Variants in FSIP1 observed in about 807,000 individuals in gnomAD.
FSIP1 encodes fibrous sheath-interacting protein 1.
Under a neutral mutation model 60.9 loss-of-function variants are expected in FSIP1, and 65 were observed. That is an observed-to-expected ratio of 1.07 (90% CI 0.87 to 1.31). The LOEUF (loss-of-function observed/expected upper bound fraction) is 1.31. FSIP1 is among the 40% of genes most tolerant of loss of function. The probability of loss-of-function intolerance (pLI) is 0.00; values close to 1 mark genes in which losing one functional copy is unlikely to be tolerated. For missense variants in FSIP1, 675 were observed against 665.5 expected (o/e 1.01, Z -0.16); for synonymous variants, 209 against 221.2 (o/e 0.94, Z 0.49).
intron 10 of FSIP1, among the ~76,000 whole-genome samples, chr15:39,708,967 TA>T (rs750006093): frequency 1.8e-4 from 28 of 152,198 alleles, no homozygotes; most frequent in Non-Finnish European, 3.4e-4. Flanking sequence ...TCCTAATAGC[TA>T]AATCCACTGA....
intron 10 of FSIP1, among the ~76,000 whole-genome samples, chr15:39,703,008 GT>G (rs1895122530): frequency 1.4e-5 from 2 of 138,866 alleles, no homozygotes; most frequent in African/African-American, 5.3e-5. Context: ...TTTAGATGGA[GT>G]TTCATTCTTG....
At chr15:39,727,735 A>T (rs978971061) in intron 8 of FSIP1, among the ~76,000 whole-genome samples, 1 of 152,182 alleles carries the variant, frequency 6.6e-6, no homozygotes, top group African/African-American at 2.4e-5. Context: ...CAAGACAAGG[A>T]TGCCCACTCT....
chr15:39,728,903 T>G (rs1896300171), intron 8 of FSIP1, among the ~76,000 whole-genome samples: 1 of 151,744 alleles, frequency 6.6e-6, no homozygotes, highest in African/African-American at 2.4e-5. Flanking sequence ...TTAAACAAAT[T>G]AATAAGCAAA....
chr15:39,687,206 G>A (rs1181137472), intron 10 of FSIP1, among the ~76,000 whole-genome samples: 1 of 140,914 alleles, frequency 7.1e-6, no homozygotes, highest in Non-Finnish European at 1.5e-5. Flanking sequence ...TGGAGTGGGA[G>A]TGCAATAGCG....
intron 10 of FSIP1, among the ~76,000 whole-genome samples, chr15:39,674,161 TCTC>T (rs1369432331): frequency 1.3e-5 from 2 of 151,764 alleles, no homozygotes; most frequent in African/African-American, 4.8e-5. Context: ...TTCATGCCAT[TCTC>T]CTGCCTCAGC....
intron 8 of FSIP1, among the ~76,000 whole-genome samples, chr15:39,737,850 G>C (rs1896664916): frequency 6.6e-6 from 1 of 152,024 alleles, no homozygotes; most frequent in African/African-American, 2.4e-5. Context: ...GCAGGCCCCA[G>C]TGTGTGTCGC....
chr15:39,617,486 GAAACC>G (rs1316073510), intron 11 of FSIP1, among the ~76,000 whole-genome samples: 1 of 152,058 alleles, frequency 6.6e-6, no homozygotes, highest in Non-Finnish European at 1.5e-5. Flanking sequence ...CTTTTCCTGT[GAAACC>G]AACATTATTT....
intron 11 of FSIP1, among the ~76,000 whole-genome samples, chr15:39,603,720 A>G (rs1215082203): frequency 1.3e-5 from 2 of 152,222 alleles, no homozygotes; most frequent in African/African-American, 4.8e-5. Context: ...TCTTCGTTAA[A>G]AAGAAATTTA....
At chr15:39,750,902 T>C (rs892445248) in intron 5 of FSIP1, among the ~76,000 whole-genome samples, 1 of 151,886 alleles carries the variant, frequency 6.6e-6, no homozygotes, top group Non-Finnish European at 1.5e-5. Context: ...GGTGTTAATA[T>C]TCAAAATTTA....
intron 10 of FSIP1, among the ~76,000 whole-genome samples, chr15:39,625,353 A>C (rs930413188): frequency 1.3e-5 from 2 of 152,178 alleles, no homozygotes; most frequent in African/African-American, 4.8e-5. Flanking sequence ...TAGAAGCAGG[A>C]GGTAGGATTC....
intron 8 of FSIP1, among the ~76,000 whole-genome samples, chr15:39,728,535 G>C (rs758230866): frequency 6.6e-6 from 1 of 152,074 alleles, no homozygotes; most frequent in East Asian, 1.9e-4. Context: ...CAAACAATGG[G>C]GAAAAGGACT....
chr15:39,765,308 T>C (rs1233832250), intron 4 of FSIP1, among the ~76,000 whole-genome samples: 1 of 145,476 alleles, frequency 6.9e-6, no homozygotes, highest in Non-Finnish European at 1.5e-5. Context: ...GACATGATCA[T>C]AGCTACTGCA....
chr15:39,713,095 T>A (rs1895588868), intron 10 of FSIP1, among the ~76,000 whole-genome samples: 1 of 152,230 alleles, frequency 6.6e-6, no homozygotes, highest in South Asian at 2.1e-4. Flanking sequence ...TGTTTTATAT[T>A]ATATAAATTG....
At chr15:39,675,442 C>G (rs929326672) in intron 10 of FSIP1, among the ~76,000 whole-genome samples, 1 of 151,934 alleles carries the variant, frequency 6.6e-6, no homozygotes, top group African/African-American at 2.4e-5. Context: ...TGAAAATAAC[C>G]CAAATGTCTA....
chr15:39,719,801 TACATCA>T (rs1895883962), intron 9 of FSIP1, among the ~76,000 whole-genome samples: 1 of 152,220 alleles, frequency 6.6e-6, no homozygotes. Context: ...AAACCTTGAC[TACATCA>T]GAAGCTTAAC....
At chr15:39,774,386 C>T (rs957271542) in intron 2 of FSIP1, among the ~76,000 whole-genome samples, 5 of 151,206 alleles carry the variant, frequency 3.3e-5, no homozygotes, top group Non-Finnish European at 4.4e-5. Flanking sequence ...GGGAGGCTGA[C>T]AGGAGAATCA....
chr15:39,703,401 T>C (rs546241389), intron 10 of FSIP1, among the ~76,000 whole-genome samples: 1 of 152,294 alleles, frequency 6.6e-6, no homozygotes, highest in African/African-American at 2.4e-5. Context: ...TGAAAAACCA[T>C]AATCCAGAAC....
chr15:39,758,242 C>T (rs1210880978), intron 5 of FSIP1, among the ~76,000 whole-genome samples: 1 of 152,004 alleles, frequency 6.6e-6, no homozygotes, highest in Non-Finnish European at 1.5e-5. Flanking sequence ...CAACTGAAAA[C>T]AAATGTCTTG....
At chr15:39,729,615 G>A (rs758268489) in intron 8 of FSIP1, among the ~76,000 whole-genome samples, 4 of 151,948 alleles carry the variant, frequency 2.6e-5, no homozygotes, top group East Asian at 1.9e-4. Flanking sequence ...TATGTTCATC[G>A]CAGCACTAGT....
Sources: gnomAD v4.1 joint callset for allele counts (sites outside exome capture counted in the v4.1 genomes callset) on GRCh38, gnomAD v4.1.1 for gene constraint, MANE v1.5 for transcripts, NCBI Gene and HGNC (gene_info 2026-07-23, HGNC 2026-07-21) for gene names.